COMMD1: variants seen among roughly 807,000 people sequenced by gnomAD.
The protein encoded by COMMD1 is COMM domain-containing protein 1.
A neutral mutation model predicts 17.2 loss-of-function variants in COMMD1; 10 were observed. That is an observed-to-expected ratio of 0.58 (90% CI 0.36 to 0.99). The LOEUF (loss-of-function observed/expected upper bound fraction) is 0.99. Ranked by LOEUF, COMMD1 falls within the 50% of genes least tolerant of loss-of-function variation. The pLI, the probability that COMMD1 is intolerant of heterozygous loss-of-function variation, is 0.01. For missense variants in COMMD1, 270 were observed against 231.8 expected (o/e 1.17, Z -1.07); for synonymous variants, 97 against 91.6 (o/e 1.06, Z -0.34).
At chr2:61,917,510 T>A (rs900135795) in intron 1 of COMMD1, among the ~76,000 whole-genome samples, 1 of 152,206 alleles carries the variant, frequency 6.6e-6, no homozygotes, top group Admixed American at 6.5e-5. Flanking sequence ...TTAGAGTGAA[T>A]TTAAGAAGAA....
At position 61,939,207 on chromosome 2, in the gene COMMD1, G is replaced by A. The variant is rs540645291; in HGVS notation, c.180+33349G>A. The stretch of plus-strand genomic sequence containing the variant: ...GGTGGCTCACACCTGTAATCCCAGC[G>A]CTTTGGGAGGCTGAGGCGGGTGGGT... On this transcript the variant is annotated intron_variant, in intron 1 of 2. Coordinates refer to ENST00000311832, the MANE Select transcript of COMMD1 (RefSeq NM_152516.4). Among the ~76,000 whole-genome samples the A allele has an allele frequency of 1.2e-4, 18 of 151,418 alleles. No individual in the cohort carries two copies. In the East Asian group the frequency reaches 2.5e-3, roughly 21 times the overall value.
In COMMD1 at chr2:62,135,890, G is replaced by A. The variant is rs763006415; in HGVS notation, c.522G>A (p.Thr174=). 46 of 1,605,132 alleles carry A rather than the reference G, an allele frequency of 2.9e-5. No individual in the cohort carries two copies. The highest frequency in any genetic ancestry group is 3.8e-5 in the Non-Finnish European group (44 of 1,171,974). ...DEVKVNQILK[T]LSEVEESIST... ...TCAAAGTCAACCAAATTCTGAAGAC[G>A]CTGTCAGAGGTAGAAGAAAGTATCA... The change falls in exon 3 of 3, where the codon ACG becomes ACA. Residue 174 remains threonine, a synonymous_variant. Transcript: ENST00000311832.
At chr2:61,970,926 G>A (rs1008822204) in intron 1 of COMMD1, among the ~76,000 whole-genome samples, 4 of 151,958 alleles carry the variant, frequency 2.6e-5, no homozygotes, top group Non-Finnish European at 5.9e-5. Flanking sequence ...TTGTTTGTCT[G>A]TTTCTGACAG....
At chr2:62,048,054 G>A (rs1670430474) in intron 2 of COMMD1, among the ~76,000 whole-genome samples, 1 of 152,136 alleles carries the variant, frequency 6.6e-6, no homozygotes, top group Non-Finnish European at 1.5e-5. Context: ...TTCTCAGAAT[G>A]TGTACCTGCA....
rs59488185 is a variant in COMMD1 at position 61,930,617 on chromosome 2, TTGTGTGTG to T, written c.180+24792_180+24799del. On this transcript the variant is annotated intron_variant, in intron 1 of 2. Coordinates refer to ENST00000311832, the MANE Select transcript of COMMD1 (RefSeq NM_152516.4). ...AGACTATTGGATAAACCACAGGGTTTTGTGTGTGTGTGTGTGTGTGTGTGTGTGTGTGT... is the reference window on the plus strand; with the variant it reads ...AGACTATTGGATAAACCACAGGGTTTTGTGTGTGTGTGTGTGTGTGTGTGT... Among the ~76,000 whole-genome samples, 264 of 146,160 alleles carry T rather than the reference TTGTGTGTG, an allele frequency of 1.8e-3. 1 individual carries two copies. The highest frequency in any genetic ancestry group is 4.4e-3 in the African/African-American group (175 of 39,688).
intron 1 of COMMD1, among the ~76,000 whole-genome samples, chr2:61,945,520 A>G (rs926864851): frequency 6.6e-6 from 1 of 152,230 alleles, no homozygotes; most frequent in African/African-American, 2.4e-5. Flanking sequence ...ACTTGCACTC[A>G]GAAGACCTTT....
intron 1 of COMMD1, among the ~76,000 whole-genome samples, chr2:61,891,594 G>T (rs1669430539): frequency 6.6e-6 from 1 of 151,836 alleles, no homozygotes; most frequent in South Asian, 2.1e-4. Flanking sequence ...CAGGCGTGGT[G>T]TCAGATGCCT....
At chr2:62,098,730 A>G (rs543462449) in intron 2 of COMMD1, among the ~76,000 whole-genome samples, 5 of 152,304 alleles carry the variant, frequency 3.3e-5, no homozygotes, top group African/African-American at 1.2e-4. Context: ...GTACAGTTTC[A>G]CAGAGGCGAT....
At chr2:62,092,302 G>T (rs1671854082) in intron 2 of COMMD1, among the ~76,000 whole-genome samples, 1 of 152,308 alleles carries the variant, frequency 6.6e-6, no homozygotes, top group East Asian at 1.9e-4. Flanking sequence ...AGCAAGGAAA[G>T]TAAGAATGGG....
At chr2:62,105,836 T>TA (rs1456097122) in intron 2 of COMMD1, among the ~76,000 whole-genome samples, 1 of 150,986 alleles carries the variant, frequency 6.6e-6, no homozygotes, top group African/African-American at 2.4e-5. Flanking sequence ...AATAAAATAA[T>TA]AAACGACCAG....
At chr2:62,013,920 T>G (rs897503439) in intron 2 of COMMD1, among the ~76,000 whole-genome samples, 2 of 152,232 alleles carry the variant, frequency 1.3e-5, no homozygotes, top group Non-Finnish European at 2.9e-5. Flanking sequence ...AGATGTTGTT[T>G]GTGCTGAAGT....
chr2:62,043,559 A>G (rs758684124), intron 2 of COMMD1, among the ~76,000 whole-genome samples: 6 of 152,200 alleles, frequency 3.9e-5, no homozygotes, highest in Non-Finnish European at 5.9e-5. Flanking sequence ...TAATGGACAA[A>G]CTGAGGATCA....
At chr2:62,070,111 A>G (rs987900325) in intron 2 of COMMD1, 2 of 152,232 alleles carry the variant, frequency 1.3e-5, no homozygotes, top group Non-Finnish European at 2.9e-5. Flanking sequence ...CTGGCTATAA[A>G]TTGGAGGGAT....
intron 2 of COMMD1, among the ~76,000 whole-genome samples, chr2:62,106,940 A>C (rs549720463): frequency 1.3e-5 from 2 of 152,214 alleles, no homozygotes; most frequent in African/African-American, 4.8e-5. Flanking sequence ...CCTAGGCCCT[A>C]TGAGGCCCAG....
chr2:61,935,023 A>C (rs1166102141), intron 1 of COMMD1, among the ~76,000 whole-genome samples: 1 of 152,240 alleles, frequency 6.6e-6, no homozygotes, highest in Non-Finnish European at 1.5e-5. Context: ...GTGGGTGTTC[A>C]GTGAACTTCC....
In COMMD1 at chr2:61,892,716, AAAG is replaced by A. The variant is rs532792792; in HGVS notation, n.119+3879_119+3881del. On this transcript the variant is annotated intron_variant and non_coding_transcript_variant, in intron 1 of 2. Coordinates refer to the COMMD1 transcript ENST00000472729. ...TCTCAAAAAAAAAAAAAAGAAAAGA[AAAG>A]AAGAGAGGGCTGTATGTATCTTATC... Among the ~76,000 whole-genome samples the A allele has an allele frequency of 9.6e-4, 145 of 151,580 alleles. 4 individuals are homozygous for A. Among genetic ancestry groups the A allele is most frequent in the African/African-American group, 3.5e-3 (143 of 41,096 alleles).
chr2:62,082,280 C>T (rs1180414651), intron 2 of COMMD1, among the ~76,000 whole-genome samples: 1 of 152,148 alleles, frequency 6.6e-6, no homozygotes, highest in Non-Finnish European at 1.5e-5. Flanking sequence ...ATACCTGAAC[C>T]AGAATCTCGT....
intron 1 of COMMD1, among the ~76,000 whole-genome samples, chr2:61,958,882 C>T (rs1558537047): frequency 2.6e-5 from 4 of 152,022 alleles, no homozygotes; most frequent in Admixed American, 2.6e-4. Context: ...GATAGTACTT[C>T]AGTTCGTGCT....
At chr2:61,960,190 A>G (rs1022611850) in intron 1 of COMMD1, among the ~76,000 whole-genome samples, 1 of 152,156 alleles carries the variant, frequency 6.6e-6, no homozygotes, top group Non-Finnish European at 1.5e-5. Context: ...GTGACTTTTT[A>G]TAATCTTTGA....
Sources: allele counts gnomAD v4.1 joint callset (sites outside exome capture counted in the v4.1 genomes callset), GRCh38; gene constraint gnomAD v4.1.1; transcripts MANE v1.5; gene names NCBI Gene and HGNC (gene_info 2026-07-23, HGNC 2026-07-21).